The following CDH13 variants were observed in gnomAD, a reference collection of about 807,000 sequenced individuals.
CDH13 encodes the protein cadherin 13.
CDH13 carries 24 observed loss-of-function variants against 63.8 expected under a neutral mutation model. The ratio of observed to expected loss-of-function variants is 0.38; its 90% confidence interval spans 0.27 to 0.53. The LOEUF is 0.53. Among genes scored for constraint, CDH13 ranks in the 20% least tolerant of loss-of-function variants. The probability of loss-of-function intolerance (pLI) is 0.85; values close to 1 mark genes in which losing one functional copy is unlikely to be tolerated. For synonymous variants in CDH13, 503 were observed against 355.3 expected (o/e 1.42, Z -4.67); for missense variants, 1,049 against 903.1 (o/e 1.16, Z -2.07).
chr16:83,705,316 G>A (rs1361708555), intron 10 of CDH13, among the ~76,000 whole-genome samples: 1 of 151,990 alleles, frequency 6.6e-6, no homozygotes, highest in Non-Finnish European at 1.5e-5. Context: ...TGAGAATTTT[G>A]ACTTTTTTAA....
chr16:82,925,095 G>C (rs905655799), intron 2 of CDH13, among the ~76,000 whole-genome samples: 1 of 152,122 alleles, frequency 6.6e-6, no homozygotes, highest in Non-Finnish European at 1.5e-5. Context: ...TGAAATGCCA[G>C]ACTTCATGCT....
intron 4 of CDH13, among the ~76,000 whole-genome samples, chr16:83,167,499 C>CAAAA (rs11430454): frequency 7.0e-5 from 7 of 99,526 alleles, no homozygotes; most frequent in South Asian, 3.4e-4. Context: ...GACCCTTTCC[C>CAAAA]AAAAAAAAAA....
intron 6 of CDH13, among the ~76,000 whole-genome samples, chr16:83,444,223 G>A (rs2072594489): frequency 6.6e-6 from 1 of 152,074 alleles, no homozygotes; most frequent in Non-Finnish European, 1.5e-5. Flanking sequence ...GATGACCATA[G>A]TAATGATGAT....
chr16:82,645,031 T>C (rs1909922961), intron 1 of CDH13, among the ~76,000 whole-genome samples: 1 of 152,152 alleles, frequency 6.6e-6, no homozygotes, highest in East Asian at 1.9e-4. Context: ...TTGTAGTGTG[T>C]TTCAGTTTCA....
chr16:83,247,456 A>T (rs1163197456), intron 5 of CDH13, among the ~76,000 whole-genome samples: 4 of 151,282 alleles, frequency 2.6e-5, no homozygotes, highest in African/African-American at 9.7e-5. Flanking sequence ...ATTTCTGCTG[A>T]ACTCTGTACA....
intron 2 of CDH13, among the ~76,000 whole-genome samples, 194 bp from the exon 3 acceptor site, chr16:83,031,816 A>T (rs1262889357): frequency 6.6e-6 from 1 of 152,220 alleles, no homozygotes; most frequent in Non-Finnish European, 1.5e-5. Flanking sequence ...CGTCAAGGAC[A>T]TGTCTTGATT....
chr16:83,445,082 TG>T (rs2072634981), intron 6 of CDH13, among the ~76,000 whole-genome samples: 2 of 152,088 alleles, frequency 1.3e-5, no homozygotes, highest in African/African-American at 4.8e-5. Flanking sequence ...TCTTAATTTT[TG>T]ATATTTTTCA....
In CDH13 at chr16:83,726,659, C is replaced by A. The variant is rs375033454; in HGVS notation, c.1539-21449C>A. 7.9e-5 allele frequency among the ~76,000 whole-genome samples: 12 copies of A among 152,228 alleles called. 1 individual carries two copies. Among genetic ancestry groups the A allele is most frequent in the African/African-American group, 2.6e-4 (11 of 41,540 alleles). ...GACCATCCTGGCTAACACGGTGAAA[C>A]CCCGTCTCTACTAAAAATACAAAAA... On this transcript the variant is annotated intron_variant, in intron 10 of 13. Coordinates refer to ENST00000567109, the MANE Select transcript of CDH13 (RefSeq NM_001257.5).
chr16:83,242,397 C>T (rs367861764), intron 5 of CDH13, among the ~76,000 whole-genome samples: 7 of 152,118 alleles, frequency 4.6e-5, no homozygotes, highest in African/African-American at 1.2e-4. Context: ...ATGAAAGTGC[C>T]GTTAGAAAAA....
chr16:82,862,530 T>C (rs1016227503), intron 2 of CDH13, among the ~76,000 whole-genome samples: 2 of 150,770 alleles, frequency 1.3e-5, no homozygotes, highest in Admixed American at 6.6e-5. Context: ...AAGATCCTCA[T>C]TGGCCACATA....
At chr16:83,662,652 A>T (rs1913546753) in intron 8 of CDH13, among the ~76,000 whole-genome samples, 1 of 152,186 alleles carries the variant, frequency 6.6e-6, no homozygotes, top group South Asian at 2.1e-4. Flanking sequence ...TACATGTTTA[A>T]TATTTTTCAT....
At chr16:83,621,712 C>G (rs957200607) in intron 8 of CDH13, among the ~76,000 whole-genome samples, 2 of 151,856 alleles carry the variant, frequency 1.3e-5, no homozygotes, top group Non-Finnish European at 2.9e-5. Context: ...GTCTGGAGCT[C>G]TTAACCTGAA....
rs1374398051 is a variant in CDH13, at chr16:83,384,498, AG to A, written c.781+39494del. Among the ~76,000 whole-genome samples the A allele has an allele frequency of 5.9e-5, 9 of 152,372 alleles. No individual in the cohort carries two copies. The South Asian group carries it at 1.2e-3, about 21-fold the overall frequency. On this transcript the variant is annotated intron_variant, in intron 6 of 13. Transcript: ENST00000567109. ...GAGGTAATGCAAAGAGGCTTTCTGC[AG>A]GAATCAACACCTTGAGCTGCCCCAA...
chr16:83,324,462 T>A (rs2090313680), intron 5 of CDH13, among the ~76,000 whole-genome samples: 1 of 152,212 alleles, frequency 6.6e-6, no homozygotes, highest in East Asian at 1.9e-4. Context: ...TCTGTAGATG[T>A]GTCTGTTCTA....
At chr16:83,437,538 G>A (rs180979845) in intron 6 of CDH13, among the ~76,000 whole-genome samples, 228 of 152,006 alleles carry the variant, frequency 1.5e-3, no homozygotes, top group African/African-American at 5.2e-3. Context: ...TTAGCTGGGC[G>A]TAGTGGGACA....
intron 3 of CDH13, among the ~76,000 whole-genome samples, chr16:83,045,983 C>T (rs192312672): frequency 1.4e-4 from 22 of 152,300 alleles, no homozygotes; most frequent in Admixed American, 1.2e-3. Context: ...ACCCTTTGGC[C>T]TGGGAGTGAT....
At chr16:82,854,132 G>A (rs926958953) in intron 1 of CDH13, among the ~76,000 whole-genome samples, 4 of 152,146 alleles carry the variant, frequency 2.6e-5, no homozygotes, top group Admixed American at 1.3e-4. Context: ...GGGCTTGGTG[G>A]CTTATGCCTG....
At chr16:83,465,333 T>C (rs968632023) in intron 6 of CDH13, among the ~76,000 whole-genome samples, 1 of 152,036 alleles carries the variant, frequency 6.6e-6, no homozygotes, top group African/African-American at 2.4e-5. Context: ...TACAAGAGGG[T>C]CCCTGAGATA....
rs142315847 is a variant in CDH13 at position 83,600,324 on chromosome 16, C to G, written c.961-2130C>G. Among the ~76,000 whole-genome samples, 41 of 152,280 alleles carry G rather than the reference C, an allele frequency of 2.7e-4. 1 individual carries two copies. The East Asian group carries it at 4.1e-3, about 15-fold the overall frequency. On this transcript the variant is annotated intron_variant, in intron 7 of 13. Transcript: ENST00000567109. ...GAGGCGTAGAGCCATCACAGGAGCACACTAACTTCCCACTCATCACCGTGA... is the reference window on the plus strand; with the variant it reads ...GAGGCGTAGAGCCATCACAGGAGCAGACTAACTTCCCACTCATCACCGTGA...
Sources: gnomAD v4.1 joint callset for allele counts (sites outside exome capture counted in the v4.1 genomes callset) on GRCh38, gnomAD v4.1.1 for gene constraint, MANE v1.5 for transcripts, NCBI Gene and HGNC (gene_info 2026-07-23, HGNC 2026-07-21) for gene names.